GALNT7: variants seen among roughly 807,000 people sequenced by gnomAD.
The protein encoded by GALNT7 is N-acetylgalactosaminyltransferase 7.
Under a neutral mutation model 82.1 loss-of-function variants are expected in GALNT7, and 60 were observed. The ratio of observed to expected loss-of-function variants is 0.73; its 90% CI spans 0.59 to 0.91. GALNT7 has a LOEUF of 0.91. Ranked by LOEUF, GALNT7 falls within the 40% of genes least tolerant of loss-of-function variation. The pLI, the probability that GALNT7 is intolerant of heterozygous loss-of-function variation, is 0.00. For missense variants in GALNT7, 660 were observed against 804.2 expected (o/e 0.82, Z 2.17); for synonymous variants, 243 against 275.1 (o/e 0.88, Z 1.15).
At chr4:173,318,951 G>A (rs1737704645) in intron 11 of GALNT7, among the ~76,000 whole-genome samples, 2 of 151,946 alleles carry the variant, frequency 1.3e-5, no homozygotes, top group African/African-American at 4.8e-5. Flanking sequence ...TAAAAATTTG[G>A]TTAATATTTG....
chr4:173,272,785 T>C (rs547950250), intron 2 of GALNT7, among the ~76,000 whole-genome samples: 1 of 152,362 alleles, frequency 6.6e-6, no homozygotes, highest in South Asian at 2.1e-4. Context: ...GATAAATTAC[T>C]AAGTGTAGCC....
chr4:173,251,893 C>T (rs959814875), intron 2 of GALNT7, among the ~76,000 whole-genome samples: 19 of 152,088 alleles, frequency 1.2e-4, no homozygotes, highest in Admixed American at 1.2e-3. Flanking sequence ...TCAAAATGCC[C>T]AAATATAATA....
chr4:173,189,651 G>T (rs555043794), intron 1 of GALNT7, among the ~76,000 whole-genome samples: 1 of 152,166 alleles, frequency 6.6e-6, no homozygotes, highest in Non-Finnish European at 1.5e-5. Context: ...AGTATGCACC[G>T]AAAACACCAC....
At chr4:173,228,383 T>C (rs1733908037) in intron 1 of GALNT7, among the ~76,000 whole-genome samples, 3 of 151,422 alleles carry the variant, frequency 2.0e-5, no homozygotes, top group Admixed American at 1.3e-4. Context: ...ATTCTACTTC[T>C]TCAAACTAAT....
Position 173,203,886 on chromosome 4 carries a change from C to T in GALNT7, c.126+34925C>T, listed in dbSNP as rs1161677759. 2.6e-5 allele frequency among the ~76,000 whole-genome samples: 4 copies of T among 152,174 alleles called. No individual in the cohort carries two copies. The East Asian group carries it at 7.7e-4, about 29-fold the overall frequency. On this transcript the variant is annotated intron_variant, in intron 1 of 11. Coordinates refer to ENST00000265000, the MANE Select transcript of GALNT7 (RefSeq NM_017423.3). The stretch of plus-strand genomic sequence containing the variant: ...ATAAGTGATGTATACACCACTATCA[C>T]AGTATTATTCTGAATTTGACTGTGT...
At chr4:173,258,918 G>A (rs1221460918) in intron 2 of GALNT7, among the ~76,000 whole-genome samples, 5 of 152,200 alleles carry the variant, frequency 3.3e-5, no homozygotes, top group Non-Finnish European at 7.3e-5. Context: ...TGCCTCCTAA[G>A]ACAGGGTTTC....
At chr4:173,239,318 G>T (rs900809106) in intron 1 of GALNT7, among the ~76,000 whole-genome samples, 38 of 152,272 alleles carry the variant, frequency 2.5e-4, no homozygotes, top group Non-Finnish European at 8.8e-5. Context: ...TTATATTCCA[G>T]CAGGATAATA....
intron 1 of GALNT7, among the ~76,000 whole-genome samples, chr4:173,192,014 T>G (rs954045385): frequency 6.6e-6 from 1 of 152,154 alleles, no homozygotes; most frequent in African/African-American, 2.4e-5. Flanking sequence ...ATAAAATGAA[T>G]CATACCTGGG....
chr4:173,301,146 A>AT (rs1329069268), intron 6 of GALNT7, among the ~76,000 whole-genome samples: 4 of 150,896 alleles, frequency 2.7e-5, no homozygotes, highest in Non-Finnish European at 4.4e-5. Flanking sequence ...AAAAAAAAAG[A>AT]TTTTTTTTTC....
chr4:173,194,364 GC>G (rs1226408772), intron 1 of GALNT7, among the ~76,000 whole-genome samples: 2 of 152,102 alleles, frequency 1.3e-5, no homozygotes, highest in Non-Finnish European at 2.9e-5. Context: ...CTGTCTTGTT[GC>G]CCTAGGGCTA....
At chr4:173,297,551 C>T (rs1214891875) in intron 5 of GALNT7, among the ~76,000 whole-genome samples, 5 of 152,158 alleles carry the variant, frequency 3.3e-5, no homozygotes, top group African/African-American at 1.2e-4. Flanking sequence ...CTCTATTAAG[C>T]TCAGTGATAT....
At chr4:173,269,359 C>G (rs780477682) in intron 2 of GALNT7, among the ~76,000 whole-genome samples, 22 of 152,210 alleles carry the variant, frequency 1.4e-4, no homozygotes, top group Non-Finnish European at 2.9e-4. Context: ...CCCACTTTAT[C>G]TTCCACCTCC....
At position 173,317,398 on chromosome 4, in the gene GALNT7, C is replaced by T. The variant is rs982134847; in HGVS notation, c.1609-236C>T. 27 of 323,892 alleles carry T rather than the reference C, an allele frequency of 8.3e-5. No homozygotes were observed. In the East Asian group the frequency reaches 1.2e-3, roughly 14 times the overall value. The allele number at this position is 323,892 out of a possible 1,614,324, so 20.1% of individuals were successfully genotyped here. On this transcript the variant is annotated intron_variant, in intron 9 of 11. Transcript: ENST00000265000. Reference sequence around the variant, plus strand: ...CTTTTTTTTTCTCTGTGGTATTTTACGGAAATGTATAGTCCTTTGCTCTTA... The same window carrying T: ...CTTTTTTTTTCTCTGTGGTATTTTATGGAAATGTATAGTCCTTTGCTCTTA...
chr4:173,298,352 T>G (rs1736798446), intron 6 of GALNT7, 55 bp downstream of exon 6: 2 of 1,170,610 alleles, frequency 1.7e-6, no homozygotes, highest in South Asian at 1.5e-5. Context: ...GCTAACCTAT[T>G]AACCTCTTGC....
At chr4:173,250,203 C>T (rs985833220) in intron 2 of GALNT7, among the ~76,000 whole-genome samples, 46 of 152,230 alleles carry the variant, frequency 3.0e-4, no homozygotes, top group Non-Finnish European at 1.0e-4. Flanking sequence ...CACTGCACAC[C>T]TGAGGTATAT....
chr4:173,265,619 C>G (rs1735456914), intron 2 of GALNT7, among the ~76,000 whole-genome samples: 1 of 138,576 alleles, frequency 7.2e-6, no homozygotes, highest in Non-Finnish European at 1.5e-5. Context: ...CTCTCTCTCT[C>G]TGTCTCTGTC....
chr4:173,301,818 A>G (rs564447008), intron 6 of GALNT7, among the ~76,000 whole-genome samples: 1 of 152,324 alleles, frequency 6.6e-6, no homozygotes, highest in African/African-American at 2.4e-5. Flanking sequence ...ACAATGCTCT[A>G]TTTTGTAATG....
At chr4:173,307,178 G>T (rs1201902612) in intron 8 of GALNT7, among the ~76,000 whole-genome samples, 1 of 152,254 alleles carries the variant, frequency 6.6e-6, no homozygotes, top group African/African-American at 2.4e-5. Context: ...CATTGCAGAA[G>T]TTGAATGCCC....
intron 1 of GALNT7, among the ~76,000 whole-genome samples, chr4:173,174,735 A>G (rs184314899): frequency 2.2e-4 from 34 of 152,326 alleles, no homozygotes; most frequent in African/African-American, 7.9e-4. Flanking sequence ...TCCAGTAGCA[A>G]TGTAAAGAAA....
Sources: gnomAD v4.1 joint callset for allele counts (sites outside exome capture counted in the v4.1 genomes callset) on GRCh38, gnomAD v4.1.1 for gene constraint, MANE v1.5 for transcripts, NCBI Gene and HGNC (gene_info 2026-07-23, HGNC 2026-07-21) for gene names.